The following CAPRIN1 variants were observed in gnomAD, a reference collection of about 807,000 sequenced individuals.
The protein encoded by CAPRIN1 is caprin-1.
A neutral mutation model predicts 100.9 loss-of-function variants in CAPRIN1; 29 were observed. That is an observed-to-expected ratio of 0.29 (90% CI 0.21 to 0.39). The LOEUF (loss-of-function observed/expected upper bound fraction) is 0.39, where lower values mean the gene tolerates loss of function less well. CAPRIN1 is among the 10% of genes least tolerant of loss of function. CAPRIN1 has a pLI of 1.00. For synonymous variants in CAPRIN1, 338 were observed against 307.5 expected, an observed-to-expected ratio of 1.10 and a Z score of -1.04; for missense variants, 795 against 876.7, an observed-to-expected ratio of 0.91 and a Z score of 1.18.
chr11:34,099,151 A>G (rs1298244796), intron 18 of CAPRIN1, 152 bp from the exon 19 acceptor site: 11 of 1,456,712 alleles, frequency 7.6e-6, no homozygotes, highest in Non-Finnish European at 1.0e-5. Flanking sequence ...CTTCCAGGAC[A>G]GGGGAAACTT....
intron 1 of CAPRIN1, 48 bp downstream of exon 1, chr11:34,051,919 CG>C (rs1462701284): frequency 6.6e-6 from 1 of 152,180 alleles, no homozygotes; most frequent in Admixed American, 6.5e-5. Context: ...AGGGCCGCTG[CG>C]CCCGGGTGTC....
Position 34,097,139 on chromosome 11 carries a change from A to G in CAPRIN1, c.1901-57A>G, listed in dbSNP as rs1590749571. The G allele has an allele frequency of 1.1e-5, 14 of 1,253,580 alleles. No individual in the cohort carries two copies. The East Asian group carries it at 3.2e-4, about 29-fold the overall frequency. 77.7% of individuals were successfully genotyped at this position (1,253,580 alleles called of 1,614,324 possible). A position where few individuals can be genotyped will look rare whatever the true frequency, so the allele number is the denominator to read the frequency against. Reference sequence around the variant, plus strand: ...TTCTTCCCGTCTTCATTAATAAAAAAGTAAAAATTCCTTGTGAAGATAAGA... The same window carrying G: ...TTCTTCCCGTCTTCATTAATAAAAAGGTAAAAATTCCTTGTGAAGATAAGA... On this transcript the variant is annotated intron_variant, in intron 16 of 18. Transcript: ENST00000341394.
chr11:34,060,707 A>G (rs776536293), intron 2 of CAPRIN1, among the ~76,000 whole-genome samples: 1 of 152,326 alleles, frequency 6.6e-6, no homozygotes, highest in Admixed American at 6.5e-5. Context: ...CATGGCAGCT[A>G]TCTTCAAATG....
intron 6 of CAPRIN1, 93 bp downstream of exon 6, chr11:34,076,735 A>ATTT: frequency 3.4e-5 from 26 of 774,878 alleles, no homozygotes; most frequent in Non-Finnish European, 4.6e-5. Flanking sequence ...GAAAAAAATT[A>ATTT]GTTTTTTTTT....
At chr11:34,078,855 G>T (rs1013439818) in intron 6 of CAPRIN1, among the ~76,000 whole-genome samples, 6 of 152,124 alleles carry the variant, frequency 3.9e-5, no homozygotes, top group Admixed American at 1.3e-4. Context: ...GAAACCTTTT[G>T]TGGCCTCACT....
At chr11:34,090,772 T>C in intron 14 of CAPRIN1, 94 bp downstream of exon 14, 1 of 1,063,682 alleles carries the variant, frequency 9.4e-7, no homozygotes, top group Non-Finnish European at 1.4e-6. Context: ...TAACTGTGCT[T>C]GAGTCTGCAT....
Position 34,052,606 on chromosome 11 carries a change from C to G in CAPRIN1, c.186C>G (p.Asp62Glu). ...EAMKQILGVIDKKLRNLEKKK... is the reference protein window; with the variant it reads ...EAMKQILGVIEKKLRNLEKKK... ...TGAAGCAGATTCTCGGGGTGATCGA[C>G]AAGAAACTTCGGAACCTGGAGAAGA... The change falls in exon 2 of 19, where the codon GAC (aspartate) becomes GAG (glutamate). Residue 62 changes from aspartate (D) to glutamate (E), a missense_variant. Physicochemically the swap from Asp to Glu is conservative, Grantham distance 45. Coordinates refer to ENST00000341394, the MANE Select transcript of CAPRIN1 (RefSeq NM_005898.5). The G allele has an allele frequency of 6.2e-7, 1 of 1,610,756 alleles. No homozygotes were observed. Among genetic ancestry groups the G allele is most frequent in the African/African-American group, 1.3e-5 (1 of 74,976 alleles).
At chr11:34,066,645 A>G (rs1255452364) in intron 2 of CAPRIN1, among the ~76,000 whole-genome samples, 1 of 109,198 alleles carries the variant, frequency 9.2e-6, no homozygotes, top group Non-Finnish European at 1.9e-5. Flanking sequence ...TTTTTTATTT[A>G]TTTATTTTTT....
At chr11:34,090,461 A>C in intron 13 of CAPRIN1, 68 bp from the exon 14 acceptor site, 1 of 1,534,604 alleles carries the variant, frequency 6.5e-7, no homozygotes, top group South Asian at 1.2e-5. Flanking sequence ...ACTTTAGTAC[A>C]TCTGTTCACT....
Position 34,101,753 on chromosome 11 carries a change from A to G in CAPRIN1, c.*2386A>G, listed in dbSNP as rs1373349037. Among the ~76,000 whole-genome samples, 1 of 152,162 alleles carries G rather than the reference A, an allele frequency of 6.6e-6. No homozygotes were observed. The highest frequency in any genetic ancestry group is 1.5e-5 in the Non-Finnish European group (1 of 68,002). ...TCATTAAGATCTGAATCTTGGTTCT[A>G]AGCATTCTGTATAATATGTGATTGC... On this transcript the variant is annotated 3_prime_UTR_variant, in exon 19 of 19. Coordinates refer to ENST00000341394, the MANE Select transcript of CAPRIN1 (RefSeq NM_005898.5).
At chr11:34,052,338 C>T in intron 1 of CAPRIN1, 83 bp from the exon 2 acceptor site, 1 of 1,143,622 alleles carries the variant, frequency 8.7e-7, no homozygotes. Context: ...CGCGTTTTGT[C>T]CCGCGTCTCG....
intron 2 of CAPRIN1, among the ~76,000 whole-genome samples, chr11:34,059,364 G>A (rs1309636190): frequency 6.6e-6 from 1 of 151,742 alleles, no homozygotes; most frequent in Non-Finnish European, 1.5e-5. Flanking sequence ...CGCCTCCTGG[G>A]TTCAAGTGAT....
chr11:34,096,943 CT>C lies in CAPRIN1; in HGVS notation c.1901-251del, dbSNP rs1278022948. 5.9e-5 allele frequency among the ~76,000 whole-genome samples: 9 copies of C among 152,284 alleles called. No homozygotes were observed. In the East Asian group the frequency reaches 1.3e-3, roughly 23 times the overall value. ...ATAAGTATTTTCCACATTACCAAAA[CT>C]TACGGGGATTGTTTATTATATTTGT... On this transcript the variant is annotated intron_variant, in intron 16 of 18. Coordinates refer to ENST00000341394, the MANE Select transcript of CAPRIN1 (RefSeq NM_005898.5).
At chr11:34,064,957 T>G (rs1336723844) in intron 2 of CAPRIN1, among the ~76,000 whole-genome samples, 1 of 127,306 alleles carries the variant, frequency 7.9e-6, no homozygotes, top group South Asian at 2.6e-4. Context: ...TATAATGGTT[T>G]TTTTTTTTTT....
chr11:34,078,206 G>A (rs563215288), intron 6 of CAPRIN1, among the ~76,000 whole-genome samples: 3 of 152,270 alleles, frequency 2.0e-5, no homozygotes, highest in South Asian at 2.1e-4. Flanking sequence ...AGCCGCTGAA[G>A]TGAAATAAGG....
At chr11:34,072,606 C>A (rs1215644437) in intron 4 of CAPRIN1, among the ~76,000 whole-genome samples, 1 of 152,126 alleles carries the variant, frequency 6.6e-6, no homozygotes, top group Non-Finnish European at 1.5e-5. Flanking sequence ...AACTGATGTG[C>A]TCCTATATCA....
rs1391860915 is a variant in CAPRIN1 at position 34,100,878 on chromosome 11, T to G, written c.*1511T>G. ...ACTTCATGGAGAATTAATCCCACCT[T>G]TAAGCAAAGGCTACTAAGTTAATGG... On this transcript the variant is annotated 3_prime_UTR_variant, in exon 19 of 19. Transcript: ENST00000341394. 1 of 152,652 alleles carries G rather than the reference T, an allele frequency of 6.6e-6. No homozygotes were observed. Among genetic ancestry groups the G allele is most frequent in the Non-Finnish European group, 1.5e-5 (1 of 68,032 alleles). The allele number at this position is 152,652 out of a possible 1,614,324, so 9.5% of individuals were successfully genotyped here. A position where few individuals can be genotyped will look rare whatever the true frequency, so the allele number is the denominator to read the frequency against.
intron 2 of CAPRIN1, among the ~76,000 whole-genome samples, chr11:34,060,637 G>A (rs1362031347): frequency 1.3e-5 from 2 of 152,190 alleles, no homozygotes; most frequent in Admixed American, 1.3e-4. Flanking sequence ...GTAAGCAAAA[G>A]TTTCCTCAAT....
At chr11:34,070,386 A>G (rs1373397078) in intron 2 of CAPRIN1, among the ~76,000 whole-genome samples, 2 of 152,208 alleles carry the variant, frequency 1.3e-5, no homozygotes, top group Non-Finnish European at 2.9e-5. Context: ...TTATTCAGAA[A>G]AAAAATACTT....
Sources: allele counts gnomAD v4.1 joint callset (sites outside exome capture counted in the v4.1 genomes callset), GRCh38; gene constraint gnomAD v4.1.1; transcripts MANE v1.5; gene names NCBI Gene and HGNC (gene_info 2026-07-23, HGNC 2026-07-21).